Variants in CADPS2 observed in about 807,000 individuals in gnomAD.
CADPS2 encodes the protein calcium-dependent secretion activator 2.
CADPS2 carries 93 observed loss-of-function variants against 172.5 expected under a neutral mutation model. The ratio of observed to expected loss-of-function variants is 0.54; its 90% CI spans 0.46 to 0.64. CADPS2 has a LOEUF of 0.64. Ranked by LOEUF, CADPS2 falls within the 30% of genes least tolerant of loss-of-function variation. The pLI is 0.00. For synonymous variants in CADPS2, 546 were observed against 555.2 expected, an observed-to-expected ratio of 0.98 and a Z score of 0.23; for missense variants, 1,420 against 1,565.9, an observed-to-expected ratio of 0.91 and a Z score of 1.57.
chr7:122,335,226 T>C (rs2035658690), intron 28 of CADPS2, among the ~76,000 whole-genome samples: 1 of 152,194 alleles, frequency 6.6e-6, no homozygotes. Context: ...AAATAAATAT[T>C]CTACATCATT....
Position 122,466,099 on chromosome 7 carries a change from T to C in CADPS2, c.2186+5276A>G, listed in dbSNP as rs147465697. On this transcript the variant is annotated intron_variant, in intron 14 of 29. Coordinates refer to ENST00000449022, the MANE Select transcript of CADPS2 (RefSeq NM_017954.11). Reference sequence around the variant, plus strand: ...ATTGACGAGAAGAAGGCTCTAAAGGTATGAAGTTTAAGAAAAGCTATGTCA... The same window carrying C: ...ATTGACGAGAAGAAGGCTCTAAAGGCATGAAGTTTAAGAAAAGCTATGTCA... Among the ~76,000 whole-genome samples, 613 of 152,338 alleles carry C rather than the reference T, an allele frequency of 4.0e-3. 6 individuals are homozygous for C. The highest frequency in any genetic ancestry group is 0.014 in the African/African-American group (585 of 41,584).
At chr7:122,395,436 G>A (rs2044953452) in intron 20 of CADPS2, 1 of 151,956 alleles carries the variant, frequency 6.6e-6, no homozygotes. Flanking sequence ...TCTTATTTAG[G>A]AGACTAATGT....
intron 1 of CADPS2, among the ~76,000 whole-genome samples, chr7:122,880,112 G>A (rs375203024): frequency 4.6e-5 from 7 of 152,204 alleles, no homozygotes; most frequent in East Asian, 1.9e-4. Context: ...GCCCACTAAC[G>A]GTTTTGTAGG....
At chr7:122,778,569 A>G (rs40364) in intron 1 of CADPS2, among the ~76,000 whole-genome samples, 66,961 of 151,882 alleles carry the variant, frequency 0.44, 17,217 homozygotes, top group African/African-American at 0.72. Context: ...GGTTTTGTGG[A>G]CCTGGCCCAG....
chr7:122,847,124 T>C (rs1293333613), intron 1 of CADPS2, among the ~76,000 whole-genome samples: 2 of 152,188 alleles, frequency 1.3e-5, no homozygotes, highest in Non-Finnish European at 2.9e-5. Context: ...TCTTGCTGTG[T>C]TGTCCAGGCT....
chr7:122,369,546 T>C (rs541627178), intron 25 of CADPS2: 27 of 152,320 alleles, frequency 1.8e-4, no homozygotes, highest in African/African-American at 6.3e-4. Context: ...TGAAATCTTA[T>C]AATCACATCA....
At chr7:122,426,560 C>G (rs1292116830) in intron 17 of CADPS2, among the ~76,000 whole-genome samples, 1 of 152,190 alleles carries the variant, frequency 6.6e-6, no homozygotes, top group Non-Finnish European at 1.5e-5. Context: ...ATTTGCCAAA[C>G]TATTTCATCT....
At chr7:122,531,896 T>C (rs1301156301) in intron 8 of CADPS2, among the ~76,000 whole-genome samples, 1 of 151,978 alleles carries the variant, frequency 6.6e-6, no homozygotes. Flanking sequence ...CTGGGTGTGG[T>C]GACAGGTGCC....
intron 2 of CADPS2, among the ~76,000 whole-genome samples, chr7:122,689,605 C>T (rs2084067461): frequency 6.6e-6 from 1 of 152,184 alleles, no homozygotes; most frequent in Non-Finnish European, 1.5e-5. Context: ...AGCACAGTGG[C>T]AGGCACATGG....
intron 2 of CADPS2, among the ~76,000 whole-genome samples, chr7:122,722,546 C>A (rs1293232065): frequency 6.6e-6 from 1 of 151,406 alleles, no homozygotes; most frequent in Non-Finnish European, 1.5e-5. Context: ...TAAAAAAGGA[C>A]ACAAACAAAT....
At chr7:122,594,307 C>A (rs998154644) in intron 6 of CADPS2, among the ~76,000 whole-genome samples, 2 of 151,792 alleles carry the variant, frequency 1.3e-5, no homozygotes, top group African/African-American at 4.8e-5. Flanking sequence ...AGACAAAATC[C>A]TGAGATGACA....
At chr7:122,613,481 G>C (rs1438208594) in intron 6 of CADPS2, among the ~76,000 whole-genome samples, 1 of 152,024 alleles carries the variant, frequency 6.6e-6, no homozygotes, top group African/African-American at 2.4e-5. Flanking sequence ...GCTTGTATAA[G>C]TATACTCTAT....
chr7:122,659,504 A>G (rs1190894091), intron 3 of CADPS2, among the ~76,000 whole-genome samples: 1 of 152,154 alleles, frequency 6.6e-6, no homozygotes, highest in East Asian at 1.9e-4. Context: ...TAACATGGGT[A>G]ACAGAAACAT....
intron 1 of CADPS2, among the ~76,000 whole-genome samples, chr7:122,768,522 G>A (rs780098105): frequency 2.0e-5 from 3 of 152,016 alleles, no homozygotes; most frequent in Admixed American, 6.6e-5. Flanking sequence ...CCTACTGATC[G>A]TTCAGTAGTG....
chr7:122,732,799 A>ATATAATATACATAATG (rs1266002106), intron 2 of CADPS2, among the ~76,000 whole-genome samples: 20 of 142,442 alleles, frequency 1.4e-4, no homozygotes, highest in African/African-American at 4.7e-4. Context: ...TATATACATT[A>ATATAATATACATAATG]TATATTATAT....
intron 7 of CADPS2, among the ~76,000 whole-genome samples, chr7:122,576,509 AGTGT>A (rs1214315422): frequency 6.6e-6 from 1 of 152,062 alleles, no homozygotes; most frequent in Non-Finnish European, 1.5e-5. Flanking sequence ...TCATTAGGGA[AGTGT>A]GTGTGTGTTC....
At chr7:122,541,614 T>C (rs1431395648) in intron 8 of CADPS2, among the ~76,000 whole-genome samples, 1 of 146,066 alleles carries the variant, frequency 6.8e-6, no homozygotes, top group African/African-American at 2.5e-5. Flanking sequence ...TATATTCACA[T>C]ATATCCATAT....
chr7:122,497,106 T>G (rs1447811902), intron 9 of CADPS2, among the ~76,000 whole-genome samples: 1 of 152,110 alleles, frequency 6.6e-6, no homozygotes, highest in Non-Finnish European at 1.5e-5. Context: ...CTTTTTGCCT[T>G]GAAGTCTATC....
At chr7:122,496,783 C>T (rs2058765638) in intron 9 of CADPS2, among the ~76,000 whole-genome samples, 1 of 151,972 alleles carries the variant, frequency 6.6e-6, no homozygotes, top group African/African-American at 2.4e-5. Flanking sequence ...GTTTTGTTTG[C>T]TTAAAAAGAG....
Sources: allele counts gnomAD v4.1 joint callset (sites outside exome capture counted in the v4.1 genomes callset), GRCh38; gene constraint gnomAD v4.1.1; transcripts MANE v1.5; gene names NCBI Gene and HGNC (gene_info 2026-07-23, HGNC 2026-07-21).